ODF2: variants seen among roughly 807,000 people sequenced by gnomAD.
The protein encoded by ODF2 is outer dense fiber protein 2.
Under a neutral mutation model 110.2 loss-of-function variants are expected in ODF2, and 47 were observed. The ratio of observed to expected loss-of-function variants is 0.43; its 90% confidence interval spans 0.34 to 0.54. ODF2 has a LOEUF of 0.54. ODF2 is among the 20% of genes least tolerant of loss of function. ODF2 has a pLI of 0.03. For missense variants in ODF2, 812 were observed against 1,054.5 expected, an observed-to-expected ratio of 0.77 and a Z score of 3.19; for synonymous variants, 352 against 397.7, an observed-to-expected ratio of 0.89 and a Z score of 1.37.
At position 128,500,179 on chromosome 9, in the gene ODF2, C is replaced by T. The variant is rs753779602; in HGVS notation, c.2414C>T (p.Ala805Val). The T allele has an allele frequency of 8.1e-6, 13 of 1,614,120 alleles. No individual in the cohort carries two copies. In the African/African-American group the frequency reaches 1.6e-4, roughly 20 times the overall value. The stretch of plus-strand genomic sequence containing the variant: ...GTCCAGTTCCTCAAATCATCATACG[C>T]CAACGTGTTTGGGGATGGTCCCTAT... Residue 805 changes from alanine (A) to valine (V), a missense_variant, in exon 21 of 21, where the codon GCC (alanine) becomes GTC (valine). Physicochemically the swap from Ala to Val is moderately conservative, Grantham distance 64 (BLOSUM62 0). Coordinates refer to ENST00000604420, the Ensembl canonical transcript of ODF2.
chr9:128,500,271 C>T, exon 21 of ODF2: 1 of 1,613,048 alleles, frequency 6.2e-7, no homozygotes, highest in Non-Finnish European at 8.5e-7. Flanking sequence ...CTTATCAGGG[C>T]CTGGAGCCCT....
chr9:128,461,976 C>T (rs1292701556), intron 4 of ODF2, among the ~76,000 whole-genome samples: 1 of 152,112 alleles, frequency 6.6e-6, no homozygotes, highest in African/African-American at 2.4e-5. Flanking sequence ...AATTAGACTG[C>T]TGCCTTACAT....
rs1226130076 is a variant in ODF2, at chr9:128,494,799, A to G, written c.1911+131A>G. ...TGCTGCTTTTTAAAAGGAGTGAGCT[A>G]TCATCAGTGCTGTGAAATAAAAGTC... is the stretch of plus-strand genomic sequence containing the variant. On this transcript the variant is annotated intron_variant, in intron 17 of 20. Coordinates refer to ENST00000604420, the Ensembl canonical transcript of ODF2. The surrounding 1 kb of genome is among the most constrained non-coding windows in gnomAD (Gnocchi z 4.6). 3.8e-6 allele frequency: 6 copies of G among 1,573,438 alleles called. No individual in the cohort carries two copies. The highest frequency in any genetic ancestry group is 3.7e-5 in the Admixed American group (2 of 53,488).
intron 4 of ODF2, chr9:128,461,420 TCTTTTC>T (rs1015257034): frequency 5.1e-6 from 1 of 194,410 alleles, no homozygotes; most frequent in African/African-American, 2.3e-5. Context: ...TATTTTCTTT[TCTTTTC>T]TTTTCTTTTT....
chr9:128,456,929 A>C, intron 1 of ODF2: 1 of 1,243,400 alleles, frequency 8.0e-7, no homozygotes, highest in Non-Finnish European at 1.0e-6. Flanking sequence ...CCCTTCTCCT[A>C]GGAGACAGTT....
chr9:128,483,799 T>G, intron 10 of ODF2, 139 bp from the exon 11 acceptor site: 1 of 692,766 alleles, frequency 1.4e-6, no homozygotes, highest in Non-Finnish European at 2.7e-6. Context: ...GGCGGGAGAA[T>G]CGCTGGAGCC....
intron 4 of ODF2, among the ~76,000 whole-genome samples, chr9:128,463,081 AGT>A (rs1836923738): frequency 6.6e-6 from 1 of 150,748 alleles, no homozygotes; most frequent in Admixed American, 6.6e-5. Flanking sequence ...TGGGCAACAT[AGT>A]GAGATCCTAT....
At position 128,499,241 on chromosome 9, in the gene ODF2, T is replaced by C. The variant is rs1250416894; in HGVS notation, c.2301+115T>C. The C allele has an allele frequency of 3.1e-6, 4 of 1,273,476 alleles. No individual in the cohort carries two copies. In the East Asian group the frequency reaches 9.5e-5, roughly 30 times the overall value. 78.9% of individuals were successfully genotyped at this position (1,273,476 alleles called of 1,614,324 possible). ...TTTTTGTGAATATGACATGGTTTTA[T>C]TTTTCTCCAATCACTTTCTATCCCT... On this transcript the variant is annotated intron_variant, in intron 20 of 20. Transcript: ENST00000604420.
At chr9:128,461,562 G>T (rs1219529290) in intron 4 of ODF2, among the ~76,000 whole-genome samples, 1 of 152,110 alleles carries the variant, frequency 6.6e-6, no homozygotes, top group East Asian at 1.9e-4. Flanking sequence ...GGGACTACAG[G>T]CGCCCGCCAC....
chr9:128,456,260 GAGGCCGCCGGC>G lies in ODF2; in HGVS notation c.-209+10_-209+20del. The G allele has an allele frequency of 6.5e-7, 1 of 1,532,958 alleles. No homozygotes were observed. The highest frequency in any genetic ancestry group is 8.8e-7 in the Non-Finnish European group (1 of 1,141,512). The allele number at this position is 1,532,958 out of a possible 1,614,324, so 95.0% of individuals were successfully genotyped here. A position where few individuals can be genotyped will look rare whatever the true frequency, so the allele number is the denominator to read the frequency against. On this transcript the variant is annotated splice_donor_region_variant and intron_variant, in intron 1 of 20. Coordinates refer to ENST00000604420, the Ensembl canonical transcript of ODF2. ...GGCGCAGCCGTGTCGCTCCTGGTGA[GAGGCCGCCGGC>G]AGGCGGGATCCAGCGCCCTCCGGGG...
At chr9:128,472,800 C>A (rs1588837575) in intron 6 of ODF2, 113 bp from the exon 7 acceptor site, 1 of 1,511,254 alleles carries the variant, frequency 6.6e-7, no homozygotes, top group East Asian at 2.3e-5. Flanking sequence ...CTGCCCCCTC[C>A]CCTACTTTTC....
intron 13 of ODF2, among the ~76,000 whole-genome samples, chr9:128,487,197 T>C (rs1463283501): frequency 6.6e-6 from 1 of 152,176 alleles, no homozygotes; most frequent in Admixed American, 6.5e-5. Context: ...TCCTCCCACC[T>C]TGGCCTCCCA....
chr9:128,466,620 A>G (rs80005172), intron 4 of ODF2, among the ~76,000 whole-genome samples: 5 of 150,602 alleles, frequency 3.3e-5, no homozygotes, highest in Non-Finnish European at 7.4e-5. Flanking sequence ...TCCCCATCAC[A>G]AGGAGTAAGT....
chr9:128,465,907 AG>A (rs1427018427), intron 4 of ODF2, among the ~76,000 whole-genome samples: 1 of 152,176 alleles, frequency 6.6e-6, no homozygotes, highest in African/African-American at 2.4e-5. Flanking sequence ...TGGGAGGCCG[AG>A]GCAGGCAAAT....
intron 14 of ODF2, 26 bp from the exon 15 acceptor site, chr9:128,492,400 G>A (rs1844787238): frequency 6.6e-7 from 1 of 1,513,930 alleles, no homozygotes; most frequent in East Asian, 2.3e-5. Flanking sequence ...CCTTCCTGTG[G>A]GTTACTCATG....
intron 6 of ODF2, among the ~76,000 whole-genome samples, chr9:128,472,143 C>T (rs778448501): frequency 5.3e-5 from 8 of 151,996 alleles, no homozygotes; most frequent in Admixed American, 4.6e-4. Flanking sequence ...AGCCGGGCGT[C>T]GCGGCGGGCG....
intron 3 of ODF2, 70 bp from the exon 4 acceptor site, chr9:128,460,872 G>A: frequency 6.2e-7 from 1 of 1,601,690 alleles, no homozygotes; most frequent in South Asian, 1.1e-5. Flanking sequence ...TAGTCGGAGA[G>A]GGATGTCACT....
At chr9:128,459,578 G>A in exon 3 of ODF2, 2 of 1,613,880 alleles carry the variant, frequency 1.2e-6, no homozygotes, top group Non-Finnish European at 1.7e-6. Context: ...TTTCCATCGT[G>A]TGGGAAGAAC....
In ODF2 at chr9:128,498,404, T is replaced by A. The variant is rs756482342; in HGVS notation, c.2013-9T>A. 1 of 1,575,052 alleles carries A rather than the reference T, an allele frequency of 6.3e-7. No individual in the cohort carries two copies. The highest frequency in any genetic ancestry group is 1.8e-5 in the Admixed American group (1 of 55,010). Reference sequence around the variant, plus strand: ...TATGCCCAGGATCTGATTGAGTGCTTTCACCTAGGAAACTGGAGGCGACCA... The same window carrying A: ...TATGCCCAGGATCTGATTGAGTGCTATCACCTAGGAAACTGGAGGCGACCA... On this transcript the variant is annotated splice_polypyrimidine_tract_variant and intron_variant, in intron 18 of 20. Transcript: ENST00000604420.
Sources: allele counts gnomAD v4.1 joint callset (sites outside exome capture counted in the v4.1 genomes callset), GRCh38; gene constraint gnomAD v4.1.1; non-coding constraint Gnocchi (gnomAD v3.1); transcripts MANE v1.5; gene names NCBI Gene and HGNC (gene_info 2026-07-23, HGNC 2026-07-21).